The following CSMD1 variants were observed in gnomAD, a reference collection of about 807,000 sequenced individuals.
CSMD1 encodes CUB and Sushi multiple domains 1.
CSMD1 carries 213 observed loss-of-function variants against 417.5 expected under a neutral mutation model. The observed-to-expected ratio is 0.51, with a 90% CI of 0.46 to 0.57. CSMD1 has a LOEUF of 0.57. Among genes scored for constraint, CSMD1 ranks in the 20% least tolerant of loss-of-function variants. The pLI, the probability that CSMD1 is intolerant of heterozygous loss-of-function variation, is 0.00. For synonymous variants in CSMD1, 2,862 were observed against 1,736.8 expected, an observed-to-expected ratio of 1.65 and a Z score of -16.11; for missense variants, 6,923 against 4,529.7, an observed-to-expected ratio of 1.53 and a Z score of -15.17.
At chr8:4,246,344 G>A (rs985530524) in intron 3 of CSMD1, among the ~76,000 whole-genome samples, 7 of 152,110 alleles carry the variant, frequency 4.6e-5, no homozygotes, top group African/African-American at 1.4e-4. Context: ...CCTTGCAAAG[G>A]ACACGGTCAG....
intron 10 of CSMD1, among the ~76,000 whole-genome samples, chr8:3,563,344 C>G (rs576887961): frequency 5.4e-5 from 8 of 146,980 alleles, no homozygotes; most frequent in Admixed American, 4.2e-4. Flanking sequence ...TGTTGTTACT[C>G]ATATCATTAC....
Position 4,435,007 on chromosome 8 carries a change from T to A in CSMD1, c.303-14942A>T, listed in dbSNP as rs919136922. ...TCATATTTTGCATACTTTTGTCTACTCTTGGAGACATTTAAGAAGCCAATA... is the reference window on the plus strand; with the variant it reads ...TCATATTTTGCATACTTTTGTCTACACTTGGAGACATTTAAGAAGCCAATA... On this transcript the variant is annotated intron_variant, in intron 2 of 69. Coordinates refer to ENST00000635120, the MANE Select transcript of CSMD1 (RefSeq NM_033225.6). Among the ~76,000 whole-genome samples, 3 of 152,222 alleles carry A rather than the reference T, an allele frequency of 2.0e-5. No individual in the cohort carries two copies. In the South Asian group the frequency reaches 6.2e-4, roughly 32 times the overall value.
At chr8:3,466,627 C>A (rs1816805669) in intron 12 of CSMD1, among the ~76,000 whole-genome samples, 1 of 144,588 alleles carries the variant, frequency 6.9e-6, no homozygotes, top group African/African-American at 2.6e-5. Context: ...AGGGGTTTCA[C>A]CATGTTGGCC....
intron 27 of CSMD1, among the ~76,000 whole-genome samples, chr8:3,227,731 G>T (rs190308757): frequency 6.6e-6 from 1 of 150,728 alleles, no homozygotes; most frequent in African/African-American, 2.4e-5. Context: ...TGCAATTTAC[G>T]AAACAGTCAA....
intron 3 of CSMD1, among the ~76,000 whole-genome samples, chr8:4,212,775 T>TTTTTTTTTTTTTTTA (rs1800399268): frequency 9.2e-6 from 1 of 108,760 alleles, no homozygotes; most frequent in African/African-American, 3.3e-5. Context: ...TTTTTTTTTT[T>TTTTTTTTTTTTTTTA]TACAAGCTAT....
At chr8:3,871,841 G>C (rs1179361329) in intron 5 of CSMD1, among the ~76,000 whole-genome samples, 11 of 152,162 alleles carry the variant, frequency 7.2e-5, no homozygotes, top group Admixed American at 2.6e-4. Flanking sequence ...TACACAATTA[G>C]CTTGTGAGCC....
intron 1 of CSMD1, among the ~76,000 whole-genome samples, chr8:4,917,654 A>C (rs940857396): frequency 7.2e-5 from 11 of 151,976 alleles, no homozygotes; most frequent in Admixed American, 2.6e-4. Flanking sequence ...AATAAATGAA[A>C]TAAAATAAAA....
rs542741036 is a variant in CSMD1, at chr8:3,499,161, G to A, written c.1345-5435C>T. Reference sequence around the variant, plus strand: ...TTTTAGTAGGAAAAAACTTTTTCCTGTAGATGTGTCTCATAGTGTCAGTTG... The same window carrying A: ...TTTTAGTAGGAAAAAACTTTTTCCTATAGATGTGTCTCATAGTGTCAGTTG... On this transcript the variant is annotated intron_variant, in intron 10 of 69. Coordinates refer to ENST00000635120, the MANE Select transcript of CSMD1 (RefSeq NM_033225.6). Among the ~76,000 whole-genome samples the A allele has an allele frequency of 1.4e-4, 21 of 152,260 alleles. No homozygotes were observed. The East Asian group carries it at 3.9e-3, about 28-fold the overall frequency.
At chr8:4,461,436 G>A (rs1799810027) in intron 2 of CSMD1, among the ~76,000 whole-genome samples, 1 of 150,606 alleles carries the variant, frequency 6.6e-6, no homozygotes, top group Non-Finnish European at 1.5e-5. Flanking sequence ...CAAATCACAT[G>A]ATCTAGTATA....
chr8:4,052,585 C>G (rs778515604), intron 3 of CSMD1, among the ~76,000 whole-genome samples: 2 of 151,968 alleles, frequency 1.3e-5, no homozygotes, highest in Non-Finnish European at 2.9e-5. Flanking sequence ...GAAATTCTTG[C>G]CTTTCCCTCC....
At position 3,052,553 on chromosome 8, in the gene CSMD1, C is replaced by T. The variant is rs35071327; in HGVS notation, c.7569G>A (p.Glu2523=). ...GCTGGCTGGATTCAAGCTTGAAGCC[C>T]TCATGACATTCATAGACCACTTTAC... ...LDSKVVYECH[E]GFKLESSQQA... Residue 2523 remains glutamate, a synonymous_variant, in exon 50 of 70, where the codon GAG becomes GAA. Coordinates refer to ENST00000635120, the MANE Select transcript of CSMD1 (RefSeq NM_033225.6). The T allele has an allele frequency of 0.021, 34,192 of 1,609,318 alleles. 453 individuals are homozygous for T. Among genetic ancestry groups the T allele is most frequent in the South Asian group, 0.034 (3,012 of 89,784 alleles).
At chr8:4,192,501 C>T (rs992950439) in intron 3 of CSMD1, among the ~76,000 whole-genome samples, 4 of 151,640 alleles carry the variant, frequency 2.6e-5, no homozygotes, top group Admixed American at 1.3e-4. Context: ...AAACTAAAGC[C>T]CGTTTAAGAC....
rs1394489096 is a variant in CSMD1 at position 3,369,235 on chromosome 8, ACCTATGATAG to A, written c.2899+9_2899+18del. 8.5e-7 allele frequency: 1 copy of A among 1,176,460 alleles called. No homozygotes were observed. The highest frequency in any genetic ancestry group is 1.3e-6 in the Non-Finnish European group (1 of 786,516). The allele number at this position is 1,176,460 out of a possible 1,614,324, so 72.9% of individuals were successfully genotyped here. ...TCATTTATTAGTCTGTATGTTTGAG[ACCTATGATAG>A]ATTCTTACCTTTCCCATGAGACACT... On this transcript the variant is annotated intron_variant, in intron 19 of 69. Transcript: ENST00000635120.
chr8:4,524,494 G>A (rs546951648), intron 2 of CSMD1, among the ~76,000 whole-genome samples: 6 of 152,120 alleles, frequency 3.9e-5, no homozygotes, highest in South Asian at 4.2e-4. Flanking sequence ...TGAAGCCCAC[G>A]GGATATGTGA....
intron 3 of CSMD1, among the ~76,000 whole-genome samples, chr8:4,309,704 G>T (rs527906230): frequency 1.3e-5 from 2 of 152,074 alleles, no homozygotes; most frequent in Admixed American, 1.3e-4. Flanking sequence ...TTACTCTAGG[G>T]ATTGTAACAT....
At chr8:4,979,862 C>T (rs1241021386) in intron 1 of CSMD1, among the ~76,000 whole-genome samples, 1 of 151,038 alleles carries the variant, frequency 6.6e-6, no homozygotes, top group African/African-American at 2.5e-5. Context: ...ACATTGAAAC[C>T]CCATCTCTAC....
chr8:3,805,432 C>G (rs568636052), intron 5 of CSMD1, among the ~76,000 whole-genome samples: 24 of 152,280 alleles, frequency 1.6e-4, no homozygotes, highest in African/African-American at 5.8e-4. Flanking sequence ...CTCAGCAGCT[C>G]TGAGTGGAGC....
At chr8:3,417,072 G>A (rs566706912) in intron 12 of CSMD1, among the ~76,000 whole-genome samples, 4 of 152,250 alleles carry the variant, frequency 2.6e-5, no homozygotes, top group South Asian at 2.1e-4. Context: ...CTGCTCCCAC[G>A]GTTGTGCTTG....
chr8:3,764,117 A>T (rs1798144713), intron 5 of CSMD1, among the ~76,000 whole-genome samples: 1 of 152,108 alleles, frequency 6.6e-6, no homozygotes, highest in Non-Finnish European at 1.5e-5. Flanking sequence ...ACTAGAGGCG[A>T]CCAAAGCAGG....
Sources: gnomAD v4.1 joint callset for allele counts (sites outside exome capture counted in the v4.1 genomes callset) on GRCh38, gnomAD v4.1.1 for gene constraint, MANE v1.5 for transcripts, NCBI Gene and HGNC (gene_info 2026-07-23, HGNC 2026-07-21) for gene names.